PRDM11: variants seen among roughly 807,000 people sequenced by gnomAD.
PRDM11 encodes the protein PR/SET domain 11.
In PRDM11, 20 loss-of-function variants were observed where a neutral mutation model predicts 97.8. That is an observed-to-expected ratio of 0.20 (90% CI 0.14 to 0.30). PRDM11 has a LOEUF of 0.30. Among genes scored for constraint, PRDM11 ranks in the 10% least tolerant of loss-of-function variants. The probability of loss-of-function intolerance (pLI) is 1.00; values close to 1 mark genes in which losing one functional copy is unlikely to be tolerated. For missense variants in PRDM11, 1,139 were observed against 1,555.2 expected, an observed-to-expected ratio of 0.73 and a Z score of 4.50; for synonymous variants, 599 against 637.7, an observed-to-expected ratio of 0.94 and a Z score of 0.91.
At chr11:45,195,629 A>T (rs1322544186) in intron 4 of PRDM11, among the ~76,000 whole-genome samples, 1 of 151,364 alleles carries the variant, frequency 6.6e-6, no homozygotes, top group Non-Finnish European at 1.5e-5. Flanking sequence ...GCTGGAATGC[A>T]GTAGCTCGAT....
intron 4 of PRDM11, among the ~76,000 whole-genome samples, chr11:45,199,789 A>C (rs960730552): frequency 1.3e-5 from 2 of 152,172 alleles, no homozygotes; most frequent in African/African-American, 2.4e-5. Flanking sequence ...CATCAGTGGC[A>C]TGTAACGTGG....
At chr11:45,097,752 G>T (rs914611036) in intron 1 of PRDM11, among the ~76,000 whole-genome samples, 3 of 152,232 alleles carry the variant, frequency 2.0e-5, no homozygotes, top group East Asian at 1.9e-4. Context: ...GCATGGAGCC[G>T]CCTTGTTGGC....
intron 4 of PRDM11, among the ~76,000 whole-genome samples, chr11:45,190,797 C>T (rs924122868): frequency 7.2e-4 from 110 of 152,000 alleles, no homozygotes; most frequent in Non-Finnish European, 9.7e-4. Context: ...AATAAAATTA[C>T]ATAAAAATAA....
At chr11:45,109,044 TCAA>T (rs1852118551) in intron 1 of PRDM11, among the ~76,000 whole-genome samples, 2 of 152,214 alleles carry the variant, frequency 1.3e-5, no homozygotes, top group African/African-American at 4.8e-5. Flanking sequence ...TGTGAGACTG[TCAA>T]CACCCCTGGC....
chr11:45,124,141 CTGTT>C (rs1351519768), intron 1 of PRDM11, among the ~76,000 whole-genome samples: 3 of 149,556 alleles, frequency 2.0e-5, no homozygotes, highest in East Asian at 3.9e-4. Flanking sequence ...ATTTGGCTCT[CTGTT>C]TGTCTGTTAT....
intron 1 of PRDM11, among the ~76,000 whole-genome samples, chr11:45,166,030 AAAAC>A (rs1852056008): frequency 6.6e-6 from 1 of 152,248 alleles, no homozygotes; most frequent in African/African-American, 2.4e-5. Flanking sequence ...TCCTATCTGA[AAAAC>A]AAAGTAAAAC....
chr11:45,101,555 CAAAAAAA>C (rs1172482163), intron 1 of PRDM11, among the ~76,000 whole-genome samples: 4 of 61,680 alleles, frequency 6.5e-5, no homozygotes, highest in African/African-American at 3.4e-4. Context: ...CACTCTGTCT[CAAAAAAA>C]AAAAAAAGAA....
intron 3 of PRDM11, 44 bp downstream of exon 3, chr11:45,182,393 C>T (rs1852541586): frequency 6.5e-7 from 1 of 1,536,048 alleles, no homozygotes; most frequent in Admixed American, 1.7e-5. Context: ...CCTTCACCCC[C>T]ATCGCCCCAT....
chr11:45,194,849 C>T (rs1241147366), intron 4 of PRDM11, among the ~76,000 whole-genome samples: 3 of 151,926 alleles, frequency 2.0e-5, no homozygotes, highest in Non-Finnish European at 2.9e-5. Flanking sequence ...CCGCCCGCCT[C>T]GGCCTCCCAA....
chr11:45,180,430 G>A (rs1852443783), intron 1 of PRDM11, among the ~76,000 whole-genome samples: 2 of 152,084 alleles, frequency 1.3e-5, no homozygotes, highest in Middle Eastern at 3.4e-3. Flanking sequence ...GGCCTCCGCG[G>A]CGCTGTCGCC....
rs764023155 is a variant in PRDM11 at position 45,219,801 on chromosome 11, C to G, written c.742+44C>G. On this transcript the variant is annotated intron_variant, in intron 6 of 7. Coordinates refer to ENST00000683152, the MANE Select transcript of PRDM11 (RefSeq NM_001384648.1). This position sits in a 1 kb window ranked among gnomAD's most constrained non-coding sequence, Gnocchi z 4.2. ...ATGAGCTGCGCCCACCTCTGAGCCC[C>G]AGGGGAGGCCTGGATAGCTTGTTTT... The G allele has an allele frequency of 1.9e-6, 3 of 1,573,842 alleles. No homozygotes were observed. The highest frequency in any genetic ancestry group is 2.6e-6 in the Non-Finnish European group (3 of 1,157,322).
Position 45,198,891 on chromosome 11 carries a change from C to T in PRDM11, c.487-5820C>T, listed in dbSNP as rs77175072. Reference sequence around the variant, plus strand: ...GAGACCCAAGTTTAAACTCCAGCTTCCCGTGTGGAAAATTCCTTTGTGGCC... The same window carrying T: ...GAGACCCAAGTTTAAACTCCAGCTTTCCGTGTGGAAAATTCCTTTGTGGCC... On this transcript the variant is annotated intron_variant, in intron 4 of 7. Transcript: ENST00000683152. Among the ~76,000 whole-genome samples, 1,182 of 152,314 alleles carry T rather than the reference C, an allele frequency of 7.8e-3. 10 individuals are homozygous for T. Among genetic ancestry groups the T allele is most frequent in the Middle Eastern group, 0.041 (12 of 292 alleles).
intron 6 of PRDM11, among the ~76,000 whole-genome samples, chr11:45,220,903 TTTTG>T (rs573240111): frequency 3.9e-5 from 6 of 152,104 alleles, no homozygotes; most frequent in East Asian, 1.9e-4. Flanking sequence ...AGGGTGTTTT[TTTTG>T]TTTGTTTGTT....
At chr11:45,153,233 C>G (rs1006366122) in intron 1 of PRDM11, among the ~76,000 whole-genome samples, 3 of 152,226 alleles carry the variant, frequency 2.0e-5, no homozygotes, top group African/African-American at 4.8e-5. Flanking sequence ...GTGCCTTAGG[C>G]TGGTCCCTTG....
chr11:45,205,818 A>G (rs1378232571), intron 5 of PRDM11, among the ~76,000 whole-genome samples: 1 of 151,864 alleles, frequency 6.6e-6, no homozygotes, highest in African/African-American at 2.4e-5. Context: ...GCCCACCTAT[A>G]CTCCTATCAG....
At chr11:45,172,717 G>A (rs1852230630) in intron 1 of PRDM11, among the ~76,000 whole-genome samples, 1 of 152,180 alleles carries the variant, frequency 6.6e-6, no homozygotes, top group Non-Finnish European at 1.5e-5. Flanking sequence ...GGCATTATAA[G>A]TAATCTAGAG....
intron 4 of PRDM11, among the ~76,000 whole-genome samples, chr11:45,197,018 C>T (rs1034023910): frequency 6.6e-6 from 1 of 151,028 alleles, no homozygotes; most frequent in South Asian, 2.1e-4. Context: ...CAGATCACAG[C>T]CAGCTTTAGT....
chr11:45,208,188 C>T (rs1287106012), intron 5 of PRDM11, among the ~76,000 whole-genome samples: 1 of 152,224 alleles, frequency 6.6e-6, no homozygotes, highest in African/African-American at 2.4e-5. Context: ...CCGAAGAAAG[C>T]ACTCCCATGG....
At chr11:45,222,413 A>G (rs1412270270) in intron 6 of PRDM11, among the ~76,000 whole-genome samples, 1 of 152,184 alleles carries the variant, frequency 6.6e-6, no homozygotes, top group Admixed American at 6.5e-5. Flanking sequence ...TTGTCCCATG[A>G]GGAAAGGAAA....
Sources: gnomAD v4.1 joint callset for allele counts (sites outside exome capture counted in the v4.1 genomes callset) on GRCh38, gnomAD v4.1.1 for gene constraint, Gnocchi (gnomAD v3.1) non-coding constraint, MANE v1.5 for transcripts, NCBI Gene and HGNC (gene_info 2026-07-23, HGNC 2026-07-21) for gene names.